The following RTN4IP1 variants were observed in gnomAD, a reference collection of about 807,000 sequenced individuals.
RTN4IP1 encodes NAD(P)H oxidoreductase RTN4IP1, mitochondrial.
A neutral mutation model predicts 46.6 loss-of-function variants in RTN4IP1; 32 were observed. The observed-to-expected ratio is 0.69, with a 90% CI of 0.52 to 0.92. RTN4IP1 has a LOEUF of 0.92. Among genes scored for constraint, RTN4IP1 ranks in the 40% least tolerant of loss-of-function variants. The probability of loss-of-function intolerance (pLI) is 0.00; values close to 1 mark genes in which losing one functional copy is unlikely to be tolerated. For missense variants in RTN4IP1, 424 were observed against 485.8 expected (o/e 0.87, Z 1.20); for synonymous variants, 167 against 161.8 (o/e 1.03, Z -0.24).
At chr6:106,586,052 G>C (rs1349290026) in intron 7 of RTN4IP1, among the ~76,000 whole-genome samples, 1 of 152,122 alleles carries the variant, frequency 6.6e-6, no homozygotes, top group African/African-American at 2.4e-5. Context: ...ACAGTGCAGC[G>C]CTTGGTTTGT....
In RTN4IP1 at chr6:106,599,937, G is replaced by A. The variant is rs1775901291; in HGVS notation, c.669+2937C>T. Among the ~76,000 whole-genome samples the A allele has an allele frequency of 2.0e-5, 3 of 151,474 alleles. No homozygotes were observed. In the South Asian group the frequency reaches 6.3e-4, roughly 32 times the overall value. ...ATCAATTTATACTCTAACCAACTGT[G>A]TATGATATTTCTCTTTTCTTTTTGC... On this transcript the variant is annotated intron_variant, in intron 5 of 8. Transcript: ENST00000369063.
intron 7 of RTN4IP1, among the ~76,000 whole-genome samples, chr6:106,586,541 T>G (rs940078093): frequency 6.6e-6 from 1 of 151,924 alleles, no homozygotes; most frequent in Non-Finnish European, 1.5e-5. Context: ...TGGCAAATTT[T>G]TTTATTGTTT....
chr6:106,572,330 C>T (rs1050262422), intron 8 of RTN4IP1: 1 of 533,506 alleles, frequency 1.9e-6, no homozygotes, highest in Non-Finnish European at 3.4e-6. Flanking sequence ...CCCAGTCTTA[C>T]TTCTCCTCCA....
intron 3 of RTN4IP1, among the ~76,000 whole-genome samples, chr6:106,619,715 C>T (rs1776438929): frequency 6.6e-6 from 1 of 150,388 alleles, no homozygotes; most frequent in Non-Finnish European, 1.5e-5. Flanking sequence ...GGGTTCACAC[C>T]ATTCTCCTGC....
intron 4 of RTN4IP1, among the ~76,000 whole-genome samples, chr6:106,609,555 T>C (rs977102943): frequency 6.6e-6 from 1 of 152,122 alleles, no homozygotes; most frequent in Admixed American, 6.6e-5. Flanking sequence ...CCAATCACCA[T>C]TATGTCCTAC....
intron 2 of RTN4IP1, among the ~76,000 whole-genome samples, chr6:106,622,061 A>G (rs1776498289): frequency 6.6e-6 from 1 of 152,160 alleles, no homozygotes. Flanking sequence ...CCCTAATTCT[A>G]TATATTTTAA....
In RTN4IP1 at chr6:106,587,788, C is replaced by G. The variant is rs1056041762; in HGVS notation, c.881G>C (p.Gly294Ala). The change falls in exon 7 of 9, where the codon GGA becomes GCA. Residue 294 changes from glycine to alanine, a missense_variant. Transcript: ENST00000369063. ...WAPDFLKKWS[G>A]ATYVTLVTPF... ...AGTCACCAAAGTCACATAGGTGGCT[C>G]CTGACCATTTCTTGAGAAAATCTGG... The G allele has an allele frequency of 6.2e-7, 1 of 1,613,946 alleles. No homozygotes were observed. Among genetic ancestry groups the G allele is most frequent in the Middle Eastern group, 1.7e-4 (1 of 6,060 alleles).
At chr6:106,625,661 C>CTTTTTT (rs773454257) in intron 1 of RTN4IP1, among the ~76,000 whole-genome samples, 8 of 112,796 alleles carry the variant, frequency 7.1e-5, no homozygotes, top group East Asian at 2.9e-4. Flanking sequence ...TCTTTTTTTT[C>CTTTTTT]TTTTTTTTTT....
At chr6:106,629,909 G>A (rs1776781249), upstream of RTN4IP1, among the ~76,000 whole-genome samples, 2 of 152,120 alleles carry the variant, frequency 1.3e-5, no homozygotes, top group African/African-American at 4.8e-5. Context: ...GGAAATCTCT[G>A]CACCGCGGAT....
intron 4 of RTN4IP1, among the ~76,000 whole-genome samples, chr6:106,606,826 C>T (rs1021136625): frequency 2.0e-5 from 3 of 152,128 alleles, no homozygotes; most frequent in Non-Finnish European, 4.4e-5. Context: ...ATGAACAAAC[C>T]ACCCAAAGCA....
intron 1 of RTN4IP1, among the ~76,000 whole-genome samples, chr6:106,626,987 C>T (rs1776666498): frequency 6.6e-6 from 1 of 152,096 alleles, no homozygotes; most frequent in Non-Finnish European, 1.5e-5. Flanking sequence ...AGCCAGCCTT[C>T]ATCTTTCAAA....
Position 106,613,911 on chromosome 6 carries a change from C to A in RTN4IP1, c.620+5291G>T, listed in dbSNP as rs541784181. On this transcript the variant is annotated intron_variant, in intron 4 of 8. Coordinates refer to ENST00000369063, the MANE Select transcript of RTN4IP1 (RefSeq NM_032730.5). Reference sequence around the variant, plus strand: ...ATAAATCTTTCAACCAACTGCCAATCGGAAAATTTTTAAATCTACCTATCA... The same window carrying A: ...ATAAATCTTTCAACCAACTGCCAATAGGAAAATTTTTAAATCTACCTATCA... 8.5e-5 allele frequency among the ~76,000 whole-genome samples: 13 copies of A among 152,232 alleles called. No homozygotes were observed. The South Asian group carries it at 2.7e-3, about 32-fold the overall frequency.
At chr6:106,611,860 G>T (rs1309471266) in intron 4 of RTN4IP1, among the ~76,000 whole-genome samples, 1 of 152,176 alleles carries the variant, frequency 6.6e-6, no homozygotes, top group Non-Finnish European at 1.5e-5. Context: ...AGAAAACAAA[G>T]CTATTTATAT....
chr6:106,629,854 T>G, upstream of RTN4IP1: 1 of 929,756 alleles, frequency 1.1e-6, no homozygotes, highest in Non-Finnish European at 1.6e-6. Context: ...TTTCGATTCT[T>G]CGGGTGTACT....
At chr6:106,583,487 G>T (rs1775417315) in intron 7 of RTN4IP1, 67 bp from the exon 8 acceptor site, 2 of 1,301,008 alleles carry the variant, frequency 1.5e-6, no homozygotes, top group African/African-American at 2.9e-5. Context: ...TGCAGATTTA[G>T]GGAAAAGCAT....
intron 4 of RTN4IP1, among the ~76,000 whole-genome samples, chr6:106,616,572 CTAAT>C (rs61509819): frequency 0.26 from 39,129 of 150,920 alleles, 5,328 homozygotes; most frequent in East Asian, 0.44. Flanking sequence ...ATGCCAATAG[CTAAT>C]AGCTAACAGA....
At chr6:106,603,872 G>A (rs1323646554) in intron 4 of RTN4IP1, among the ~76,000 whole-genome samples, 1 of 152,186 alleles carries the variant, frequency 6.6e-6, no homozygotes. Flanking sequence ...GCTACTGATT[G>A]AGGCTGAGGG....
Position 106,595,741 on chromosome 6 carries a change from G to A in RTN4IP1, c.670-3441C>T, listed in dbSNP as rs1775775256. On this transcript the variant is annotated intron_variant, in intron 5 of 8. Coordinates refer to ENST00000369063, the MANE Select transcript of RTN4IP1 (RefSeq NM_032730.5). The stretch of plus-strand genomic sequence containing the variant: ...TGGAACCCTTGACCTGAGGTGATCT[G>A]CCCGCCTTGGCATCCCAAAGTGCTG... Among the ~76,000 whole-genome samples the A allele has an allele frequency of 7.9e-5, 12 of 152,068 alleles. No homozygotes were observed. In the South Asian group the frequency reaches 2.5e-3, roughly 32 times the overall value.
chr6:106,605,814 CCCAAA>C lies in RTN4IP1; in HGVS notation c.621-2897_621-2893del, dbSNP rs1393997538. Among the ~76,000 whole-genome samples the C allele has an allele frequency of 8.3e-5, 8 of 96,738 alleles. 1 individual carries two copies. The highest frequency in any genetic ancestry group is 7.9e-5 in the Non-Finnish European group (4 of 50,520). The allele number at this position is 96,738 out of a possible 152,430, so 63.5% of individuals were successfully genotyped here. On this transcript the variant is annotated intron_variant, in intron 4 of 8. Coordinates refer to ENST00000369063, the MANE Select transcript of RTN4IP1 (RefSeq NM_032730.5). ...CCTGGGCGACAGAGCAAGACTCTGT[CCCAAA>C]AAAAAAAAAAAAAAAAAAAAAAAAA...
Sources: gnomAD v4.1 joint callset for allele counts (sites outside exome capture counted in the v4.1 genomes callset) on GRCh38, gnomAD v4.1.1 for gene constraint, MANE v1.5 for transcripts, NCBI Gene and HGNC (gene_info 2026-07-23, HGNC 2026-07-21) for gene names.